UNC5D: variants seen among roughly 807,000 people sequenced by gnomAD.
The protein encoded by UNC5D is unc-5 netrin receptor D, also known as netrin receptor UNC5D.
Under a neutral mutation model 105.4 loss-of-function variants are expected in UNC5D, and 39 were observed. The observed-to-expected ratio is 0.37, with a 90% CI of 0.29 to 0.48. The LOEUF is 0.48. UNC5D is among the 20% of genes least tolerant of loss of function. The pLI is 0.98. For missense variants in UNC5D, 991 were observed against 1,202.4 expected (o/e 0.82, Z 2.60); for synonymous variants, 452 against 450.4 (o/e 1.00, Z -0.04).
chr8:35,564,701 A>C (rs1000704165), intron 2 of UNC5D, among the ~76,000 whole-genome samples: 1 of 152,186 alleles, frequency 6.6e-6, no homozygotes, highest in Non-Finnish European at 1.5e-5. Context: ...TCACCTAAAT[A>C]GTGTACATTG....
In UNC5D at chr8:35,685,859, C is replaced by T. The variant is rs559040995; in HGVS notation, c.920-686C>T. 1.6e-4 allele frequency among the ~76,000 whole-genome samples: 25 copies of T among 152,204 alleles called. No individual in the cohort carries two copies. In the South Asian group the frequency reaches 4.8e-3, roughly 29 times the overall value. ...ATTAATTGCTTTAGATTTAAAATTGCAGTATCTTAAATAACCCACATAAGC... is the reference window on the plus strand; with the variant it reads ...ATTAATTGCTTTAGATTTAAAATTGTAGTATCTTAAATAACCCACATAAGC... On this transcript the variant is annotated intron_variant, in intron 6 of 16. Transcript: ENST00000404895.
At chr8:35,734,472 G>A (rs1000233127) in intron 11 of UNC5D, among the ~76,000 whole-genome samples, 1 of 151,812 alleles carries the variant, frequency 6.6e-6, no homozygotes. Context: ...GTGCAATGGC[G>A]TGATCTCGAC....
chr8:35,405,379 A>T (rs919740051), intron 1 of UNC5D, among the ~76,000 whole-genome samples: 12 of 152,230 alleles, frequency 7.9e-5, no homozygotes, highest in Non-Finnish European at 1.6e-4. Context: ...CCATAGACTG[A>T]ATAGATAACA....
At chr8:35,382,269 C>T (rs939132836) in intron 1 of UNC5D, among the ~76,000 whole-genome samples, 7 of 152,162 alleles carry the variant, frequency 4.6e-5, no homozygotes, top group South Asian at 2.1e-4. Flanking sequence ...TCCCCTACAG[C>T]GGTTGATGAC....
intron 1 of UNC5D, chr8:35,525,298 C>A: frequency 6.2e-7 from 1 of 1,612,166 alleles, no homozygotes; most frequent in South Asian, 1.1e-5. Context: ...AGTGCACTCC[C>A]CTCTTTGCCT....
intron 1 of UNC5D, among the ~76,000 whole-genome samples, chr8:35,411,005 C>T (rs1229375238): frequency 2.0e-5 from 3 of 151,996 alleles, no homozygotes; most frequent in Admixed American, 1.3e-4. Flanking sequence ...TAGGAAGAAG[C>T]TCTCATTAAT....
chr8:35,498,079 C>CAAAAAAAAAAAAAA (rs141361517), intron 1 of UNC5D, among the ~76,000 whole-genome samples: 2 of 59,418 alleles, frequency 3.4e-5, no homozygotes, highest in African/African-American at 8.7e-5. Context: ...CAAAACAAAA[C>CAAAAAAAAAAAAAA]AAAACAAAAA....
At chr8:35,568,300 T>C in intron 3 of UNC5D, 59 bp downstream of exon 3, 1 of 1,576,298 alleles carries the variant, frequency 6.3e-7, no homozygotes, top group Middle Eastern at 1.7e-4. Context: ...TAAATAGAGC[T>C]GAAGAGAGGT....
In UNC5D at chr8:35,422,819, G is replaced by A. The variant is rs537804698; in HGVS notation, c.104-126473G>A. Among the ~76,000 whole-genome samples, 3 of 152,130 alleles carry A rather than the reference G, an allele frequency of 2.0e-5. No individual in the cohort carries two copies. In the South Asian group the frequency reaches 6.2e-4, roughly 32 times the overall value. ...GTATTTTCTCCCTTTTGGAAAAAGGGGATGGAAAAATGTGAACATAATCTG... is the reference window on the plus strand; with the variant it reads ...GTATTTTCTCCCTTTTGGAAAAAGGAGATGGAAAAATGTGAACATAATCTG... On this transcript the variant is annotated intron_variant, in intron 1 of 16. Coordinates refer to ENST00000404895, the MANE Select transcript of UNC5D (RefSeq NM_080872.4).
chr8:35,731,399 C>CAAA lies in UNC5D; in HGVS notation c.1766+331_1766+333dup, dbSNP rs57529561. ...CTGGGCAACAGTGAGACTCTGTCTC[C>CAAA]AAAAAAAAAAAAAAAAAAAAAAAAA... On this transcript the variant is annotated intron_variant, in intron 11 of 16. Coordinates refer to ENST00000404895, the MANE Select transcript of UNC5D (RefSeq NM_080872.4). Among the ~76,000 whole-genome samples the CAAA allele has an allele frequency of 9.4e-3, 288 of 30,612 alleles. 17 individuals are homozygous for CAAA. Among genetic ancestry groups the CAAA allele is most frequent in the Non-Finnish European group, 0.012 (84 of 6,814 alleles). The allele number at this position is 30,612 out of a possible 152,430, so 20.1% of individuals were successfully genotyped here.
Position 35,315,451 on chromosome 8 carries a change from T to C in UNC5D, c.103+79564T>C, listed in dbSNP as rs183969146. ...GTGCAGATGGCTGGGGCAGTGGAGA[T>C]GACTGGGCCACGTGTCTCTGGTCAT... On this transcript the variant is annotated intron_variant, in intron 1 of 16. Coordinates refer to ENST00000404895, the MANE Select transcript of UNC5D (RefSeq NM_080872.4). Among the ~76,000 whole-genome samples, 418 of 152,232 alleles carry C rather than the reference T, an allele frequency of 2.7e-3. 1 individual carries two copies. The highest frequency in any genetic ancestry group is 4.4e-3 in the Non-Finnish European group (298 of 68,004).
chr8:35,445,715 C>G (rs541352317), intron 1 of UNC5D, among the ~76,000 whole-genome samples: 8 of 152,130 alleles, frequency 5.3e-5, no homozygotes, highest in African/African-American at 1.9e-4. Flanking sequence ...ACCTGGGAAC[C>G]TGTTGCATCA....
chr8:35,767,077 G>C lies in UNC5D; in HGVS notation c.2478+11G>C. The C allele has an allele frequency of 6.2e-7, 1 of 1,603,054 alleles. No homozygotes were observed. On this transcript the variant is annotated intron_variant, in intron 15 of 16. Coordinates refer to ENST00000404895, the MANE Select transcript of UNC5D (RefSeq NM_080872.4). ...ACATCAATCCTAGAGGTGAGTCCTT[G>C]ATCTACAGGTCATTTGACCCCCTTT...
intron 9 of UNC5D, among the ~76,000 whole-genome samples, chr8:35,725,592 A>G (rs1369967020): frequency 6.6e-6 from 1 of 151,912 alleles, no homozygotes; most frequent in Non-Finnish European, 1.5e-5. Flanking sequence ...AGGTGCCCTG[A>G]CCCTTTTGCT....
At position 35,493,301 on chromosome 8, in the gene UNC5D, A is replaced by C. The variant is rs528447703; in HGVS notation, c.104-55991A>C. Among the ~76,000 whole-genome samples, 199 of 151,088 alleles carry C rather than the reference A, an allele frequency of 1.3e-3. 1 individual carries two copies. The highest frequency in any genetic ancestry group is 4.7e-3 in the African/African-American group (193 of 41,186). On this transcript the variant is annotated intron_variant, in intron 1 of 16. Coordinates refer to ENST00000404895, the MANE Select transcript of UNC5D (RefSeq NM_080872.4). ...GTGACCAAAAAAAAAAAAAAAAAAAAAAACACACCAAAAAACAAAAACAAA... is the reference window on the plus strand; with the variant it reads ...GTGACCAAAAAAAAAAAAAAAAAAACAAACACACCAAAAAACAAAAACAAA...
intron 1 of UNC5D, among the ~76,000 whole-genome samples, chr8:35,265,430 A>T (rs1413021597): frequency 6.6e-6 from 1 of 152,168 alleles, no homozygotes; most frequent in Non-Finnish European, 1.5e-5. Flanking sequence ...TGGGAAAAGC[A>T]GCTATAGACA....
chr8:35,618,865 GT>G (rs1240393205), intron 4 of UNC5D, among the ~76,000 whole-genome samples: 1 of 152,128 alleles, frequency 6.6e-6, no homozygotes, highest in African/African-American at 2.4e-5. Context: ...TTATGGCAGG[GT>G]TGTGTCTTTC....
chr8:35,549,230 T>C (rs1815921660), intron 1 of UNC5D, 62 bp from the exon 2 acceptor site: 1 of 1,513,900 alleles, frequency 6.6e-7, no homozygotes, highest in Admixed American at 1.8e-5. Context: ...GGTTTGCCAT[T>C]GTGTCCTGGT....
intron 1 of UNC5D, among the ~76,000 whole-genome samples, chr8:35,321,614 C>A (rs923286027): frequency 2.0e-5 from 3 of 152,178 alleles, no homozygotes. Context: ...ATGGGCATTT[C>A]TTTATAGCAG....
Sources: allele counts gnomAD v4.1 joint callset (sites outside exome capture counted in the v4.1 genomes callset), GRCh38; gene constraint gnomAD v4.1.1; transcripts MANE v1.5; gene names NCBI Gene and HGNC (gene_info 2026-07-23, HGNC 2026-07-21).